Variants in SLC30A4 observed in about 807,000 individuals in gnomAD.
SLC30A4 encodes solute carrier family 30 member 4, also known as probable proton-coupled zinc antiporter SLC30A4.
A neutral mutation model predicts 41.7 loss-of-function variants in SLC30A4; 20 were observed. That is an observed-to-expected ratio of 0.48 (90% confidence interval 0.34 to 0.70). The LOEUF is 0.70. SLC30A4 is among the 30% of genes least tolerant of loss of function. The pLI is 0.01. For synonymous variants in SLC30A4, 181 were observed against 195.9 expected (o/e 0.92, Z 0.64); for missense variants, 441 against 529.3 (o/e 0.83, Z 1.64).
At chr15:45,518,243 T>C (rs1024077202) in intron 2 of SLC30A4, among the ~76,000 whole-genome samples, 2 of 152,206 alleles carry the variant, frequency 1.3e-5, no homozygotes, top group Non-Finnish European at 2.9e-5. Flanking sequence ...ACCTGGTCCA[T>C]GCATAAACTA....
intron 3 of SLC30A4, among the ~76,000 whole-genome samples, chr15:45,496,578 G>A (rs1212626479): frequency 6.6e-6 from 1 of 152,074 alleles, no homozygotes; most frequent in Non-Finnish European, 1.5e-5. Context: ...AATAGAGACA[G>A]GGTATCACTA....
intron 2 of SLC30A4, chr15:45,519,388 A>G (rs989617229): frequency 6.6e-6 from 1 of 151,464 alleles, no homozygotes; most frequent in Admixed American, 6.6e-5. Context: ...CAGGTGCGCC[A>G]TGACGCCTGG....
In SLC30A4 at chr15:45,511,275, A is replaced by C. The variant is rs954119176; in HGVS notation, c.401T>G (p.Ile134Ser). 4 of 1,604,826 alleles carry C rather than the reference A, an allele frequency of 2.5e-6. No individual in the cohort carries two copies. The highest frequency in any genetic ancestry group is 3.4e-6 in the Non-Finnish European group (4 of 1,175,680). Residue 134 changes from isoleucine (I) to serine (S), a missense_variant, in exon 3 of 8, where the codon ATT becomes AGT. Physicochemically the swap from Ile to Ser is moderately radical, Grantham distance 142. Coordinates refer to ENST00000261867, the MANE Select transcript of SLC30A4 (RefSeq NM_013309.6). ...TGTCATGATTGCTAGGCTATTTGCA[A>C]TGTATCCACCTTAGAGTTACAAGTA... ...FMIGELVGGYIANSLAIMTDA... is the reference protein window; with the variant it reads ...FMIGELVGGYSANSLAIMTDA...
chr15:45,483,487 C>G lies in SLC30A4; in HGVS notation c.*1676G>C, dbSNP rs1891639899. On this transcript the variant is annotated 3_prime_UTR_variant, in exon 8 of 8. Transcript: ENST00000261867. ...AGTCAAGCTGCCTCTTTAACACAGGCATTTACAATTAGGTTGCCTTCAGTT... is the reference window on the plus strand; with the variant it reads ...AGTCAAGCTGCCTCTTTAACACAGGGATTTACAATTAGGTTGCCTTCAGTT... The G allele has an allele frequency of 6.6e-6, 1 of 152,246 alleles. No homozygotes were observed. Among genetic ancestry groups the G allele is most frequent in the Non-Finnish European group, 1.5e-5 (1 of 68,042 alleles). The allele number at this position is 152,246 out of a possible 1,614,324, so 9.4% of individuals were successfully genotyped here.
chr15:45,522,646 C>G lies in SLC30A4; in HGVS notation c.-154G>C. ...CGGGGCCGCAACTCATCTCCCCGCC[C>G]CCGGCCGGCTCAGCGAGGCGGGCTC... On this transcript the variant is annotated 5_prime_UTR_variant, in exon 1 of 8. Transcript: ENST00000261867. The G allele has an allele frequency of 3.8e-6, 1 of 263,044 alleles. No homozygotes were observed. The highest frequency in any genetic ancestry group is 7.1e-6 in the Non-Finnish European group (1 of 141,756). 16.3% of individuals were successfully genotyped at this position (263,044 alleles called of 1,614,324 possible).
chr15:45,485,464 G>T, intron 7 of SLC30A4, 147 bp from the exon 8 acceptor site: 1 of 574,976 alleles, frequency 1.7e-6, no homozygotes, highest in South Asian at 2.6e-5. Flanking sequence ...TAGATAAGTA[G>T]GTCAATTTAC....
chr15:45,489,345 T>C (rs1891765496), intron 4 of SLC30A4, among the ~76,000 whole-genome samples: 1 of 151,876 alleles, frequency 6.6e-6, no homozygotes, highest in Non-Finnish European at 1.5e-5. Context: ...GGATGGAGGA[T>C]GATGGGCAGA....
At chr15:45,501,096 C>T (rs924182811) in intron 3 of SLC30A4, among the ~76,000 whole-genome samples, 3 of 151,268 alleles carry the variant, frequency 2.0e-5, no homozygotes, top group South Asian at 2.1e-4. Context: ...TCACGAGGTC[C>T]GGAGATCGAG....
At chr15:45,504,493 G>T (rs145640960) in intron 3 of SLC30A4, among the ~76,000 whole-genome samples, 1 of 151,974 alleles carries the variant, frequency 6.6e-6, no homozygotes, top group East Asian at 1.9e-4. Flanking sequence ...CTGTTTTATC[G>T]CTAACACCTA....
chr15:45,487,917 T>A (rs1891736266), intron 5 of SLC30A4, among the ~76,000 whole-genome samples: 1 of 144,006 alleles, frequency 6.9e-6, no homozygotes, highest in Non-Finnish European at 1.5e-5. Context: ...AGTAAGTGTG[T>A]GTGTGTGTGT....
At chr15:45,516,561 T>A (rs975734249) in intron 2 of SLC30A4, among the ~76,000 whole-genome samples, 15 of 149,470 alleles carry the variant, frequency 1.0e-4, no homozygotes, top group East Asian at 7.7e-4. Context: ...TATCTTTTTT[T>A]AAAAAAATCT....
intron 3 of SLC30A4, among the ~76,000 whole-genome samples, chr15:45,498,734 T>C (rs1677214982): frequency 6.6e-6 from 1 of 152,230 alleles, no homozygotes; most frequent in Non-Finnish European, 1.5e-5. Flanking sequence ...ATTCTTTTCC[T>C]ATAGATGTTT....
rs887915375 is a variant in SLC30A4 at position 45,521,835 on chromosome 15, T to C, written c.391+129A>G. The C allele has an allele frequency of 7.9e-6, 7 of 890,218 alleles. No individual in the cohort carries two copies. In the African/African-American group the frequency reaches 8.4e-5, roughly 11 times the overall value. 55.1% of individuals were successfully genotyped at this position (890,218 alleles called of 1,614,324 possible). ...TTTGGAACCGTGTGGCCTTTTCACA[T>C]GAGATCAGTGTCTTGATAAATACAA... is the stretch of plus-strand genomic sequence containing the variant. On this transcript the variant is annotated intron_variant, in intron 2 of 7. Coordinates refer to ENST00000261867, the MANE Select transcript of SLC30A4 (RefSeq NM_013309.6).
At chr15:45,507,960 T>C (rs1009934016) in intron 3 of SLC30A4, among the ~76,000 whole-genome samples, 4 of 152,244 alleles carry the variant, frequency 2.6e-5, no homozygotes, top group Admixed American at 1.3e-4. Flanking sequence ...AAAAAGGAAA[T>C]GCTGGAAGGA....
Position 45,508,200 on chromosome 15 carries a change from A to C in SLC30A4, c.538+2938T>G, listed in dbSNP as rs146864724. ...CTTTAGGATGAGTAGGTGGAGAATC[A>C]GGATATGAGGTGGTAGAAATCTGAA... On this transcript the variant is annotated intron_variant, in intron 3 of 7. Transcript: ENST00000261867. Among the ~76,000 whole-genome samples, 702 of 152,268 alleles carry C rather than the reference A, an allele frequency of 4.6e-3. 5 individuals are homozygous for C. The highest frequency in any genetic ancestry group is 6.9e-3 in the Non-Finnish European group (466 of 68,012).
intron 2 of SLC30A4, chr15:45,513,614 T>C (rs1260975008): frequency 6.6e-6 from 1 of 152,162 alleles, no homozygotes; most frequent in African/African-American, 2.4e-5. Context: ...ATAGCACTTA[T>C]TCAAGAAAAA....
Position 45,485,088 on chromosome 15 carries a change from T to TTTATTA in SLC30A4, c.*74_*75insTAATAA. ...AGCTGTCAGGGATTCCATTTTCTCATTTAGGTTTGCATTTATTGCTCTCAA... is the reference window on the plus strand; with the variant it reads ...AGCTGTCAGGGATTCCATTTTCTCATTTATTATTAGGTTTGCATTTATTGCTCTCAA... On this transcript the variant is annotated 3_prime_UTR_variant, in exon 8 of 8. Transcript: ENST00000261867. 8.3e-7 allele frequency: 1 copy of TTTATTA among 1,200,068 alleles called. No homozygotes were observed. Among genetic ancestry groups the TTTATTA allele is most frequent in the Non-Finnish European group, 1.2e-6 (1 of 836,938 alleles). 74.3% of individuals were successfully genotyped at this position (1,200,068 alleles called of 1,614,324 possible).
rs767726275 is a variant in SLC30A4 at position 45,487,515 on chromosome 15, G to A, written c.1000+12C>T. Reference sequence around the variant, plus strand: ...GTAATAAACTCATAATGAGGATATAGTGAGATCTTACCTTCTAGTATTATA... The same window carrying A: ...GTAATAAACTCATAATGAGGATATAATGAGATCTTACCTTCTAGTATTATA... On this transcript the variant is annotated intron_variant, in intron 6 of 7. Coordinates refer to ENST00000261867, the MANE Select transcript of SLC30A4 (RefSeq NM_013309.6). The A allele has an allele frequency of 1.6e-6, 2 of 1,220,684 alleles. No homozygotes were observed. The highest frequency in any genetic ancestry group is 1.2e-5 in the South Asian group (1 of 82,580). The allele number at this position is 1,220,684 out of a possible 1,614,324, so 75.6% of individuals were successfully genotyped here.
chr15:45,498,652 C>T (rs573273038), intron 3 of SLC30A4, among the ~76,000 whole-genome samples: 24 of 152,264 alleles, frequency 1.6e-4, no homozygotes, highest in African/African-American at 5.8e-4. Context: ...AGCTATCCAG[C>T]GTGGACTACC....
Sources: allele counts gnomAD v4.1 joint callset (sites outside exome capture counted in the v4.1 genomes callset), GRCh38; gene constraint gnomAD v4.1.1; transcripts MANE v1.5; gene names NCBI Gene and HGNC (gene_info 2026-07-23, HGNC 2026-07-21).